The following CDH4 variants were observed in gnomAD, a reference collection of about 807,000 sequenced individuals.
The protein encoded by CDH4 is cadherin 4.
Under a neutral mutation model 86.0 loss-of-function variants are expected in CDH4, and 33 were observed. The ratio of observed to expected loss-of-function variants is 0.38; its 90% CI spans 0.29 to 0.51. The LOEUF (loss-of-function observed/expected upper bound fraction) is 0.51, where lower values mean the gene tolerates loss of function less well. Ranked by LOEUF, CDH4 falls within the 20% of genes least tolerant of loss-of-function variation. The pLI, the probability that CDH4 is intolerant of heterozygous loss-of-function variation, is 0.86. For synonymous variants in CDH4, 555 were observed against 549.4 expected, an observed-to-expected ratio of 1.01 and a Z score of -0.14; for missense variants, 1,114 against 1,307.4, an observed-to-expected ratio of 0.85 and a Z score of 2.28.
intron 2 of CDH4, among the ~76,000 whole-genome samples, chr20:61,486,098 A>G (rs1258032005): frequency 6.6e-6 from 1 of 152,248 alleles, no homozygotes; most frequent in Non-Finnish European, 1.5e-5. Context: ...GACTTCCAGG[A>G]TATCACGAGC....
chr20:61,456,663 G>A (rs569638232), intron 2 of CDH4, among the ~76,000 whole-genome samples: 13 of 152,338 alleles, frequency 8.5e-5, no homozygotes, highest in African/African-American at 3.1e-4. Flanking sequence ...TTGGAACACT[G>A]AGGACTGTAG....
chr20:61,828,963 C>T (rs1478854955), intron 4 of CDH4, among the ~76,000 whole-genome samples: 1 of 152,232 alleles, frequency 6.6e-6, no homozygotes, highest in Non-Finnish European at 1.5e-5. Context: ...CGTGCAGCCT[C>T]CATCCACATG....
At chr20:61,617,173 G>A (rs935910529) in intron 2 of CDH4, among the ~76,000 whole-genome samples, 18 of 152,124 alleles carry the variant, frequency 1.2e-4, no homozygotes, top group African/African-American at 4.3e-4. Flanking sequence ...TGCCTGCTTT[G>A]TTCTTTCAGA....
chr20:61,574,828 C>G (rs1244528418), intron 2 of CDH4, among the ~76,000 whole-genome samples: 1 of 152,170 alleles, frequency 6.6e-6, no homozygotes, highest in Non-Finnish European at 1.5e-5. Flanking sequence ...ATAGAAGTGC[C>G]AGCTGCCATA....
At chr20:61,874,183 CG>C (rs1286070967) in intron 7 of CDH4, among the ~76,000 whole-genome samples, 4 of 152,114 alleles carry the variant, frequency 2.6e-5, no homozygotes, top group African/African-American at 9.7e-5. Flanking sequence ...GCTGGGGTCT[CG>C]GGGTCTAGCC....
At chr20:61,608,803 CAT>C (rs1215471169) in intron 2 of CDH4, among the ~76,000 whole-genome samples, 2 of 152,182 alleles carry the variant, frequency 1.3e-5, no homozygotes, top group Admixed American at 1.3e-4. Flanking sequence ...ATGAAGCTGT[CAT>C]GTGATCAGCC....
intron 2 of CDH4, among the ~76,000 whole-genome samples, chr20:61,390,445 G>A (rs1168902900): frequency 7.0e-6 from 1 of 143,292 alleles, no homozygotes; most frequent in Non-Finnish European, 1.5e-5. Flanking sequence ...ATAGCACCAT[G>A]TCTAGGAAAC....
At chr20:61,376,904 A>G (rs991678911) in intron 2 of CDH4, among the ~76,000 whole-genome samples, 1 of 152,178 alleles carries the variant, frequency 6.6e-6, no homozygotes, top group African/African-American at 2.4e-5. Flanking sequence ...CTGATCTGAC[A>G]GCCTTCCTAG....
intron 2 of CDH4, among the ~76,000 whole-genome samples, chr20:61,459,833 G>A (rs2085431839): frequency 6.6e-6 from 1 of 151,970 alleles, no homozygotes; most frequent in South Asian, 2.1e-4. Flanking sequence ...GGACTTCTCA[G>A]AAGGCAGCTC....
chr20:61,771,621 CAAA>C (rs71331929), intron 3 of CDH4, among the ~76,000 whole-genome samples: 6 of 110,080 alleles, frequency 5.5e-5, no homozygotes, highest in Non-Finnish European at 7.3e-5. Context: ...GACTCCATCT[CAAA>C]AAAAAAAAAA....
At chr20:61,747,654 A>T (rs949422197) in intron 3 of CDH4, among the ~76,000 whole-genome samples, 72 of 152,350 alleles carry the variant, frequency 4.7e-4, no homozygotes, top group African/African-American at 1.7e-3. Context: ...GGATACATAT[A>T]TCTGCAGATT....
At chr20:61,403,309 T>A (rs1014845695) in intron 2 of CDH4, among the ~76,000 whole-genome samples, 2 of 152,294 alleles carry the variant, frequency 1.3e-5, no homozygotes, top group East Asian at 1.9e-4. Flanking sequence ...TACAGCCCTG[T>A]GGGTTTGAGG....
At chr20:61,357,344 C>T (rs1050553996) in intron 2 of CDH4, among the ~76,000 whole-genome samples, 4 of 152,180 alleles carry the variant, frequency 2.6e-5, no homozygotes, top group Non-Finnish European at 4.4e-5. Context: ...TGGTCCACAC[C>T]CACTGCTCAC....
At chr20:61,920,530 G>A (rs1008286473) in intron 9 of CDH4, among the ~76,000 whole-genome samples, 14 of 150,734 alleles carry the variant, frequency 9.3e-5, no homozygotes, top group South Asian at 4.2e-4. Context: ...GTGTGGTGTC[G>A]TGATGATTGC....
intron 2 of CDH4, among the ~76,000 whole-genome samples, chr20:61,275,078 A>G (rs1383743699): frequency 3.8e-3 from 166 of 43,268 alleles, no homozygotes; most frequent in Admixed American, 5.1e-3. Context: ...GGGGAGTACC[A>G]TGTGTAGTTT....
intron 2 of CDH4, among the ~76,000 whole-genome samples, chr20:61,542,118 C>G (rs2145657067): frequency 6.6e-6 from 1 of 152,272 alleles, no homozygotes; most frequent in East Asian, 1.9e-4. Context: ...GGTCCAGAGA[C>G]CACATTCCAC....
At chr20:61,403,757 A>AT (rs569384969) in intron 2 of CDH4, among the ~76,000 whole-genome samples, 192 of 151,840 alleles carry the variant, frequency 1.3e-3, no homozygotes, top group African/African-American at 3.8e-3. Context: ...GCACGGGACA[A>AT]TTTTTTTTGG....
Position 61,332,252 on chromosome 20 carries a change from G to A in CDH4, c.169+77315G>A, listed in dbSNP as rs530965092. ...TGTCAGTCTCTCATCAGGGTGGGCGGAGCGGTGACGGGTTTCCTTCTGGGT... is the reference window on the plus strand; with the variant it reads ...TGTCAGTCTCTCATCAGGGTGGGCGAAGCGGTGACGGGTTTCCTTCTGGGT... On this transcript the variant is annotated intron_variant, in intron 2 of 15. Transcript: ENST00000614565. Among the ~76,000 whole-genome samples, 46 of 152,314 alleles carry A rather than the reference G, an allele frequency of 3.0e-4. No individual in the cohort carries two copies. In the South Asian group the frequency reaches 9.3e-3, roughly 31 times the overall value.
In CDH4 at chr20:61,344,234, G is replaced by A. The variant is rs532571316; in HGVS notation, c.169+89297G>A. On this transcript the variant is annotated intron_variant, in intron 2 of 15. Coordinates refer to ENST00000614565, the MANE Select transcript of CDH4 (RefSeq NM_001794.5). ...GATACTGATGCTTTGTTTTTTGTGT[G>A]TATTCTTACACCCTTTGATGGGTTC... Among the ~76,000 whole-genome samples the A allele has an allele frequency of 4.6e-5, 7 of 152,214 alleles. No individual in the cohort carries two copies. In the South Asian group the frequency reaches 8.3e-4, roughly 18 times the overall value.
Sources: gnomAD v4.1 joint callset for allele counts (sites outside exome capture counted in the v4.1 genomes callset) on GRCh38, gnomAD v4.1.1 for gene constraint, MANE v1.5 for transcripts, NCBI Gene and HGNC (gene_info 2026-07-23, HGNC 2026-07-21) for gene names.